The following SGCZ variants were observed in gnomAD, a reference collection of about 807,000 sequenced individuals.
SGCZ encodes the protein sarcoglycan zeta, also known as zeta-sarcoglycan.
In SGCZ, 40 loss-of-function variants were observed where a neutral mutation model predicts 41.3. That is an observed-to-expected ratio of 0.97 (90% CI 0.75 to 1.26). The LOEUF (loss-of-function observed/expected upper bound fraction) is 1.26. SGCZ is among the 50% of genes most tolerant of loss of function. The pLI is 0.00. For missense variants in SGCZ, 552 were observed against 369.8 expected (o/e 1.49, Z -4.04); for synonymous variants, 206 against 137.5 (o/e 1.50, Z -3.49).
chr8:14,601,777 A>G (rs1255171383), intron 1 of SGCZ, among the ~76,000 whole-genome samples: 1 of 152,158 alleles, frequency 6.6e-6, no homozygotes, highest in Non-Finnish European at 1.5e-5. Context: ...TTTTGTTCCA[A>G]GTTGTATTCT....
chr8:15,202,129 A>C (rs956923198), intron 1 of SGCZ, among the ~76,000 whole-genome samples: 2 of 152,222 alleles, frequency 1.3e-5, no homozygotes, highest in Non-Finnish European at 2.9e-5. Flanking sequence ...CAATTTCACA[A>C]CCAAGATCCT....
At chr8:14,365,497 A>G (rs1300648086) in intron 2 of SGCZ, among the ~76,000 whole-genome samples, 8 of 152,058 alleles carry the variant, frequency 5.3e-5, no homozygotes, top group Admixed American at 3.9e-4. Context: ...GATTTCCATG[A>G]TGCAAACTTT....
intron 1 of SGCZ, among the ~76,000 whole-genome samples, chr8:14,806,846 A>G (rs1801548410): frequency 6.6e-6 from 1 of 151,746 alleles, no homozygotes; most frequent in African/African-American, 2.4e-5. Flanking sequence ...AATACTGGCA[A>G]AACGAATCCA....
intron 5 of SGCZ, among the ~76,000 whole-genome samples, chr8:14,121,365 T>C (rs1323066711): frequency 6.6e-6 from 1 of 152,114 alleles, no homozygotes; most frequent in African/African-American, 2.4e-5. Context: ...ATTGATGCCG[T>C]TATAAGGGTG....
At chr8:14,418,648 C>A (rs1482474732) in intron 2 of SGCZ, among the ~76,000 whole-genome samples, 1 of 151,820 alleles carries the variant, frequency 6.6e-6, no homozygotes, top group African/African-American at 2.4e-5. Flanking sequence ...GTAAATACAG[C>A]AATTGAAACT....
chr8:14,811,791 A>G (rs1801745859), intron 1 of SGCZ, among the ~76,000 whole-genome samples: 1 of 152,044 alleles, frequency 6.6e-6, no homozygotes, highest in African/African-American at 2.4e-5. Context: ...ATCATTTTCA[A>G]AGCTGCTATT....
chr8:14,906,450 C>G (rs1192469379), intron 1 of SGCZ, among the ~76,000 whole-genome samples: 1 of 152,152 alleles, frequency 6.6e-6, no homozygotes, highest in Non-Finnish European at 1.5e-5. Context: ...GGAAAATTCT[C>G]AACTTCTGTA....
chr8:14,644,785 A>G (rs1807151222), intron 1 of SGCZ, among the ~76,000 whole-genome samples: 1 of 151,768 alleles, frequency 6.6e-6, no homozygotes, highest in African/African-American at 2.4e-5. Flanking sequence ...ATCTAGTTCT[A>G]CCTGTTGAAT....
At chr8:14,765,421 G>A (rs1213829965) in intron 1 of SGCZ, among the ~76,000 whole-genome samples, 2 of 152,150 alleles carry the variant, frequency 1.3e-5, no homozygotes, top group Non-Finnish European at 2.9e-5. Flanking sequence ...CTATAGAGAT[G>A]AGGCCTAGAC....
intron 1 of SGCZ, among the ~76,000 whole-genome samples, chr8:14,851,098 A>G (rs139079360): frequency 0.022 from 3,341 of 152,250 alleles, 67 homozygotes; most frequent in Middle Eastern, 0.058. Flanking sequence ...GGCTGGGCGC[A>G]GTGGCTCACA....
At chr8:14,490,240 T>C (rs1801804424) in intron 2 of SGCZ, among the ~76,000 whole-genome samples, 1 of 152,158 alleles carries the variant, frequency 6.6e-6, no homozygotes, top group South Asian at 2.1e-4. Context: ...TAATATTAGA[T>C]TGAATCTCAC....
At chr8:14,673,590 A>G (rs112826613) in intron 1 of SGCZ, among the ~76,000 whole-genome samples, 1,986 of 152,132 alleles carry the variant, frequency 0.013, 39 homozygotes, top group African/African-American at 0.032. Context: ...AACCTCTCTT[A>G]TTTATAAATT....
chr8:15,010,469 A>C (rs1585469224), intron 1 of SGCZ, among the ~76,000 whole-genome samples: 1 of 152,242 alleles, frequency 6.6e-6, no homozygotes, highest in South Asian at 2.1e-4. Flanking sequence ...TTATTTATTT[A>C]CTTTTATGTT....
rs181910336 is a variant in SGCZ at position 15,023,193 on chromosome 8, T to C, written c.39+214392A>G. On this transcript the variant is annotated intron_variant, in intron 1 of 7. Coordinates refer to ENST00000382080, the MANE Select transcript of SGCZ (RefSeq NM_139167.4). Reference sequence around the variant, plus strand: ...AACATGAAACAGATTAAATAGCATCTGAGAGGGGCTTCTTCTGTGAAGTCA... The same window carrying C: ...AACATGAAACAGATTAAATAGCATCCGAGAGGGGCTTCTTCTGTGAAGTCA... Among the ~76,000 whole-genome samples the C allele has an allele frequency of 1.3e-3, 193 of 152,334 alleles. 2 individuals carry two copies. In the Middle Eastern group the frequency reaches 0.02, roughly 16 times the overall value.
intron 5 of SGCZ, among the ~76,000 whole-genome samples, chr8:14,156,662 A>G (rs564063556): frequency 6.6e-6 from 1 of 152,076 alleles, no homozygotes; most frequent in Non-Finnish European, 1.5e-5. Context: ...ATTCAAAACT[A>G]TTTTCTTTCT....
At chr8:14,847,193 A>C (rs1803161623) in intron 1 of SGCZ, among the ~76,000 whole-genome samples, 1 of 151,978 alleles carries the variant, frequency 6.6e-6, no homozygotes, top group South Asian at 2.1e-4. Flanking sequence ...GAAGAGAAAA[A>C]TACCAATTCT....
intron 1 of SGCZ, among the ~76,000 whole-genome samples, chr8:14,615,907 TTACTC>T (rs1806084828): frequency 6.6e-6 from 1 of 152,168 alleles, no homozygotes; most frequent in Admixed American, 6.5e-5. Context: ...TCATTCCACT[TTACTC>T]TATTACACTT....
intron 1 of SGCZ, among the ~76,000 whole-genome samples, chr8:14,667,985 C>T (rs1351694696): frequency 2.6e-5 from 4 of 152,150 alleles, no homozygotes; most frequent in East Asian, 3.8e-4. Context: ...GAGATGGAGT[C>T]TCACTCTGTC....
chr8:15,235,585 T>C (rs1802094347), intron 1 of SGCZ, among the ~76,000 whole-genome samples: 1 of 152,206 alleles, frequency 6.6e-6, no homozygotes, highest in Non-Finnish European at 1.5e-5. Flanking sequence ...GGATTATCTG[T>C]GCAGGAGTAG....
Sources: gnomAD v4.1 joint callset for allele counts (sites outside exome capture counted in the v4.1 genomes callset) on GRCh38, gnomAD v4.1.1 for gene constraint, MANE v1.5 for transcripts, NCBI Gene and HGNC (gene_info 2026-07-23, HGNC 2026-07-21) for gene names.